The following OGN variants were observed in gnomAD, a reference collection of about 807,000 sequenced individuals.
OGN encodes the protein mimecan.
Under a neutral mutation model 30.8 loss-of-function variants are expected in OGN, and 19 were observed. The ratio of observed to expected loss-of-function variants is 0.62; its 90% CI spans 0.43 to 0.90. The LOEUF is 0.90. Among genes scored for constraint, OGN ranks in the 40% least tolerant of loss-of-function variants. The pLI, the probability that OGN is intolerant of heterozygous loss-of-function variation, is 0.00. For missense variants in OGN, 283 were observed against 349.7 expected (o/e 0.81, Z 1.52); for synonymous variants, 126 against 128.3 (o/e 0.98, Z 0.12).
At position 92,384,971 on chromosome 9, in the gene OGN, C is replaced by G. The variant is rs1564289072; in HGVS notation, c.*649G>C. 6.6e-6 allele frequency: 1 copy of G among 152,240 alleles called. No homozygotes were observed. Among genetic ancestry groups the G allele is most frequent in the East Asian group, 1.9e-4 (1 of 5,192 alleles). The allele number at this position is 152,240 out of a possible 1,614,324, so 9.4% of individuals were successfully genotyped here. ...AGAAAATATTTTACTGAAGACATTA[C>G]CAGAAAGTAAAATAACTTGAACATT... On this transcript the variant is annotated 3_prime_UTR_variant, in exon 7 of 7. Coordinates refer to ENST00000375561, the MANE Select transcript of OGN (RefSeq NM_014057.5).
intron 5 of OGN, among the ~76,000 whole-genome samples, chr9:92,387,111 G>A (rs1842462305): frequency 1.4e-5 from 2 of 147,418 alleles, no homozygotes; most frequent in South Asian, 4.5e-4. Flanking sequence ...GGTGGCTCAC[G>A]CCTGTAATCC....
At chr9:92,390,820 C>T (rs1377327444) in intron 4 of OGN, among the ~76,000 whole-genome samples, 1 of 152,198 alleles carries the variant, frequency 6.6e-6, no homozygotes, top group East Asian at 1.9e-4. Context: ...GGACACTTGG[C>T]TGAGTATATA....
intron 4 of OGN, among the ~76,000 whole-genome samples, chr9:92,391,686 A>G (rs989122572): frequency 2.0e-5 from 3 of 152,312 alleles, no homozygotes; most frequent in African/African-American, 4.8e-5. Flanking sequence ...ATGTCGTTAA[A>G]TAGACTGTGA....
At chr9:92,396,937 A>C (rs1842915763) in intron 3 of OGN, among the ~76,000 whole-genome samples, 1 of 152,052 alleles carries the variant, frequency 6.6e-6, no homozygotes, top group Admixed American at 6.6e-5. Context: ...GCACTTTTAG[A>C]GGCTGAGGCA....
rs574588556 is a variant in OGN, at chr9:92,387,378, G to GA, written c.631-1083dup. ...GCCACAGAACGAGACTCCATCTCAAGAAAAAAAAAAAAAAATGTGTTCTTA... is the reference window on the plus strand; with the variant it reads ...GCCACAGAACGAGACTCCATCTCAAGAAAAAAAAAAAAAAAATGTGTTCTTA... On this transcript the variant is annotated intron_variant, in intron 5 of 6. Coordinates refer to ENST00000375561, the MANE Select transcript of OGN (RefSeq NM_014057.5). Among the ~76,000 whole-genome samples the GA allele has an allele frequency of 3.5e-3, 414 of 117,044 alleles. 1 individual carries two copies. The highest frequency in any genetic ancestry group is 4.5e-3 in the Middle Eastern group (1 of 222). The allele number at this position is 117,044 out of a possible 152,430, so 76.8% of individuals were successfully genotyped here. A position where few individuals can be genotyped will look rare whatever the true frequency, so the allele number is the denominator to read the frequency against.
At chr9:92,389,722 T>G in intron 5 of OGN, 132 bp downstream of exon 5, 1 of 627,002 alleles carries the variant, frequency 1.6e-6, no homozygotes, top group East Asian at 2.8e-5. Context: ...ATTTATTATG[T>G]AAATAATGTC....
chr9:92,398,799 G>A (rs774743800), intron 3 of OGN, among the ~76,000 whole-genome samples: 1 of 152,132 alleles, frequency 6.6e-6, no homozygotes, highest in Non-Finnish European at 1.5e-5. Context: ...GGCCGGGAGT[G>A]GTGGCTCACG....
chr9:92,395,509 T>C (rs1027752525), intron 3 of OGN, among the ~76,000 whole-genome samples: 1 of 152,198 alleles, frequency 6.6e-6, no homozygotes, highest in African/African-American at 2.4e-5. Context: ...TGCTTTCATT[T>C]CTCTTGGGTA....
intron 5 of OGN, among the ~76,000 whole-genome samples, chr9:92,387,814 A>G (rs1298372105): frequency 6.6e-6 from 1 of 151,926 alleles, no homozygotes; most frequent in Admixed American, 6.6e-5. Flanking sequence ...CCCAGGCTGT[A>G]GTGCAGTGTC....
Position 92,384,922 on chromosome 9 carries a change from C to T in OGN, c.*698G>A, listed in dbSNP as rs1319748267. 1 of 152,234 alleles carries T rather than the reference C, an allele frequency of 6.6e-6. No homozygotes were observed. The highest frequency in any genetic ancestry group is 2.4e-5 in the African/African-American group (1 of 41,298). 9.4% of individuals were successfully genotyped at this position (152,234 alleles called of 1,614,324 possible). A position where few individuals can be genotyped will look rare whatever the true frequency, so the allele number is the denominator to read the frequency against. On this transcript the variant is annotated 3_prime_UTR_variant, in exon 7 of 7. Transcript: ENST00000375561. ...TGAGTTTAAAACTTTTTTTGGTAGACTTAGAATGTTAATATTTAGATAAAG... is the reference window on the plus strand; with the variant it reads ...TGAGTTTAAAACTTTTTTTGGTAGATTTAGAATGTTAATATTTAGATAAAG...
intron 3 of OGN, among the ~76,000 whole-genome samples, chr9:92,393,664 C>T (rs998860831): frequency 6.6e-6 from 1 of 152,138 alleles, no homozygotes; most frequent in African/African-American, 2.4e-5. Flanking sequence ...TTAGAGTAAT[C>T]GTAGGCACTG....
chr9:92,385,860 A>G (rs1842398272), intron 6 of OGN, 70 bp from the exon 7 acceptor site: 2 of 1,460,230 alleles, frequency 1.4e-6, no homozygotes, highest in Non-Finnish European at 1.9e-6. Context: ...ATAATGGGTA[A>G]AGGAAACCTA....
At chr9:92,399,445 T>G (rs898659976) in intron 3 of OGN, among the ~76,000 whole-genome samples, 1 of 152,318 alleles carries the variant, frequency 6.6e-6, no homozygotes, top group African/African-American at 2.4e-5. Flanking sequence ...TTATTTTTAG[T>G]TATATTATCT....
At chr9:92,403,869 G>A (rs1267658197) in intron 1 of OGN, 2 of 202,430 alleles carry the variant, frequency 9.9e-6, no homozygotes, top group Non-Finnish European at 1.7e-5. Flanking sequence ...GATTTATATT[G>A]GTATGAACAG....
intron 4 of OGN, among the ~76,000 whole-genome samples, chr9:92,390,415 ATTTT>A (rs561552569): frequency 8.3e-4 from 126 of 152,178 alleles, no homozygotes; most frequent in African/African-American, 2.7e-3. Context: ...GAATCATGTA[ATTTT>A]TTTTATTTTT....
intron 3 of OGN, among the ~76,000 whole-genome samples, chr9:92,393,513 A>G (rs1008366433): frequency 3.3e-5 from 5 of 152,192 alleles, no homozygotes; most frequent in African/African-American, 9.7e-5. Context: ...TTTGAAAACC[A>G]AAAAAATTTA....
chr9:92,395,088 A>T (rs1842841144), intron 3 of OGN, among the ~76,000 whole-genome samples: 1 of 152,068 alleles, frequency 6.6e-6, no homozygotes, highest in Non-Finnish European at 1.5e-5. Context: ...AAATCGTACA[A>T]CATATACGAT....
chr9:92,392,554 G>A (rs557677741), intron 4 of OGN, among the ~76,000 whole-genome samples: 3 of 151,882 alleles, frequency 2.0e-5, no homozygotes, highest in African/African-American at 7.2e-5. Flanking sequence ...GACAGAGGTT[G>A]CAGTGAGCCA....
intron 4 of OGN, among the ~76,000 whole-genome samples, chr9:92,392,835 A>T (rs1448940687): frequency 6.6e-6 from 1 of 152,208 alleles, no homozygotes; most frequent in East Asian, 1.9e-4. Context: ...GAGAAGATAT[A>T]GTTGCCCATA....
Sources: allele counts gnomAD v4.1 joint callset (sites outside exome capture counted in the v4.1 genomes callset), GRCh38; gene constraint gnomAD v4.1.1; transcripts MANE v1.5; gene names NCBI Gene and HGNC (gene_info 2026-07-23, HGNC 2026-07-21).